CTSK: variants seen among roughly 807,000 people sequenced by gnomAD.
CTSK encodes the protein cathepsin O.
In CTSK, 26 loss-of-function variants were observed where a neutral mutation model predicts 40.5. The observed-to-expected ratio is 0.64, with a 90% CI of 0.47 to 0.89. CTSK has a LOEUF of 0.89. Ranked by LOEUF, CTSK falls within the 40% of genes least tolerant of loss-of-function variation. CTSK has a pLI of 0.00. For missense variants in CTSK, 292 were observed against 400.1 expected (o/e 0.73, Z 2.30); for synonymous variants, 132 against 143.2 (o/e 0.92, Z 0.56).
At chr1:150,798,592 G>A (rs759066654) in intron 7 of CTSK, among the ~76,000 whole-genome samples, 4 of 152,168 alleles carry the variant, frequency 2.6e-5, no homozygotes, top group Non-Finnish European at 4.4e-5. Flanking sequence ...ATTGTCTGGC[G>A]GATATGGTTT....
chr1:150,804,293 TTCTC>T, intron 4 of CTSK, 54 bp from the exon 5 acceptor site: 6 of 1,393,806 alleles, frequency 4.3e-6, no homozygotes, highest in Non-Finnish European at 6.1e-6. Flanking sequence ...TTTCTATATC[TTCTC>T]TCTACCTGCC....
At chr1:150,807,675 G>A (rs1177326145) in intron 1 of CTSK, among the ~76,000 whole-genome samples, 1 of 152,140 alleles carries the variant, frequency 6.6e-6, no homozygotes, top group Non-Finnish European at 1.5e-5. Flanking sequence ...TTCTTGCATT[G>A]GCTTTCTTAA....
intron 5 of CTSK, 158 bp downstream of exon 5, chr1:150,803,863 T>C (rs1571126160): frequency 2.7e-6 from 2 of 729,296 alleles, no homozygotes; most frequent in Non-Finnish European, 2.4e-6. Flanking sequence ...TTCCCCCAGA[T>C]TGTGGAAATC....
chr1:150,799,110 G>C, intron 7 of CTSK, 58 bp downstream of exon 7: 2 of 1,106,182 alleles, frequency 1.8e-6, no homozygotes, highest in Non-Finnish European at 2.8e-6. Flanking sequence ...GGAAGCTGGA[G>C]GTGAGGTTGA....
chr1:150,797,136 G>C (rs376321463), intron 7 of CTSK, among the ~76,000 whole-genome samples: 31 of 152,300 alleles, frequency 2.0e-4, no homozygotes, highest in Middle Eastern at 3.4e-3. Flanking sequence ...TGGCATTTGA[G>C]CTGAGCCAAA....
Position 150,799,151 on chromosome 1 carries a change from A to T in CTSK, c.890+17T>A, listed in dbSNP as rs982020500. The T allele has an allele frequency of 6.7e-7, 1 of 1,491,156 alleles. No homozygotes were observed. The highest frequency in any genetic ancestry group is 1.4e-5 in the African/African-American group (1 of 72,634). The allele number at this position is 1,491,156 out of a possible 1,614,324, so 92.4% of individuals were successfully genotyped here. A position where few individuals can be genotyped will look rare whatever the true frequency, so the allele number is the denominator to read the frequency against. On this transcript the variant is annotated intron_variant, in intron 7 of 7. Coordinates refer to ENST00000271651, the MANE Select transcript of CTSK (RefSeq NM_000396.4). ...AAAAGGGTGACTGAATAACAAAAGT[A>T]GTGTTCCCATCATTACCTGTTTTTA...
In CTSK at chr1:150,799,348, CTGTT is replaced by C. The variant is rs905484495; in HGVS notation, c.785-79_785-76del. 4.2e-5 allele frequency: 54 copies of C among 1,283,370 alleles called. 1 individual carries two copies. The African/African-American group carries it at 7.1e-4, about 17-fold the overall frequency. The allele number at this position is 1,283,370 out of a possible 1,614,324, so 79.5% of individuals were successfully genotyped here. Reference sequence around the variant, plus strand: ...CTGTGGGATCTCCCAGTCTAGGAGACTGTTTGAAGAATTCCATCCGTGTCAGGAG... The same window carrying C: ...CTGTGGGATCTCCCAGTCTAGGAGACTGAAGAATTCCATCCGTGTCAGGAG... On this transcript the variant is annotated intron_variant, in intron 6 of 7. Transcript: ENST00000271651.
chr1:150,798,156 C>T (rs1236040760), intron 7 of CTSK, among the ~76,000 whole-genome samples: 1 of 152,260 alleles, frequency 6.6e-6, no homozygotes, highest in East Asian at 1.9e-4. Flanking sequence ...AAGCAAGGTA[C>T]CCTGGAGTTT....
chr1:150,806,262 A>G (rs1329077168), intron 2 of CTSK, 38 bp from the exon 3 acceptor site: 1 of 1,606,116 alleles, frequency 6.2e-7, no homozygotes, highest in Non-Finnish European at 8.5e-7. Flanking sequence ...TAGACTGTCT[A>G]CAGTTACATA....
At chr1:150,804,319 C>A in intron 4 of CTSK, 80 bp from the exon 5 acceptor site, 1 of 1,163,988 alleles carries the variant, frequency 8.6e-7, no homozygotes, top group South Asian at 1.3e-5. Context: ...GAAGAAATTC[C>A]ATGTGTTCTA....
chr1:150,806,923 AGG>A, intron 1 of CTSK, 117 bp from the exon 2 acceptor site: 1 of 1,245,248 alleles, frequency 8.0e-7, no homozygotes. Context: ...AATGATAGTC[AGG>A]AGGGGCCTGT....
chr1:150,806,850 G>T (rs1217201500), intron 1 of CTSK, 44 bp from the exon 2 acceptor site: 4 of 1,608,708 alleles, frequency 2.5e-6, no homozygotes, highest in African/African-American at 2.7e-5. Context: ...ATTTGGCAGG[G>T]AAACAGAGGA....
At chr1:150,806,951 T>A in intron 1 of CTSK, 145 bp from the exon 2 acceptor site, 1 of 937,996 alleles carries the variant, frequency 1.1e-6, no homozygotes, top group Non-Finnish European at 1.7e-6. Flanking sequence ...GATAGGATGC[T>A]GGTACATCTG....
At chr1:150,807,078 T>TCACACA (rs779217637) in intron 1 of CTSK, among the ~76,000 whole-genome samples, 2,064 of 120,492 alleles carry the variant, frequency 0.017, 14 homozygotes, top group Middle Eastern at 0.05. Context: ...TCTCTCTCTC[T>TCACACA]CTCACACACA....
chr1:150,807,005 T>TTCTTTCTCTCTCTCTCTCTCTC (rs1654109347), intron 1 of CTSK, among the ~76,000 whole-genome samples, 199 bp from the exon 2 acceptor site: 1 of 138,966 alleles, frequency 7.2e-6, no homozygotes, highest in Non-Finnish European at 1.6e-5. Context: ...ATTTCTCTCT[T>TTCTTTCTCTCTCTCTCTCTCTC]TCTCTCTCTC....
chr1:150,804,149 G>A lies in CTSK; in HGVS notation c.490C>T (p.Pro164Ser). The A allele has an allele frequency of 1.2e-6, 2 of 1,614,162 alleles. No individual in the cohort carries two copies. The highest frequency in any genetic ancestry group is 1.7e-6 in the Non-Finnish European group (2 of 1,180,022). Residue 164 changes from proline (P) to serine (S), a missense_variant, in exon 5 of 8, where the codon CCC becomes TCC. Physicochemically the swap from Pro to Ser is moderately conservative, Grantham distance 74. Coordinates refer to ENST00000271651, the MANE Select transcript of CTSK (RefSeq NM_000396.4). ...GACACACAATCCACTAGGTTCTGGG[G>A]ACTCAGATTTAAGAGTTTGCCAGTT... ...KKTGKLLNLSPQNLVDCVSEN... is the reference protein window; with the variant it reads ...KKTGKLLNLSSQNLVDCVSEN...
intron 5 of CTSK, 113 bp downstream of exon 5, chr1:150,803,908 A>G: frequency 1.0e-6 from 1 of 975,938 alleles, no homozygotes; most frequent in East Asian, 2.4e-5. Context: ...TTCCATCAAG[A>G]AAGCAGGATA....
At chr1:150,805,726 A>G in intron 4 of CTSK, 135 bp downstream of exon 4, 1 of 849,154 alleles carries the variant, frequency 1.2e-6, no homozygotes, top group Non-Finnish European at 2.0e-6. Context: ...GTTAAATAAC[A>G]GAATGGGAAT....
At chr1:150,804,789 G>A (rs1008389118) in intron 4 of CTSK, among the ~76,000 whole-genome samples, 1 of 152,116 alleles carries the variant, frequency 6.6e-6, no homozygotes, top group Non-Finnish European at 1.5e-5. Context: ...GCATCTGGTA[G>A]GTTCTGGGGG....
Sources: allele counts gnomAD v4.1 joint callset (sites outside exome capture counted in the v4.1 genomes callset), GRCh38; gene constraint gnomAD v4.1.1; transcripts MANE v1.5; gene names NCBI Gene and HGNC (gene_info 2026-07-23, HGNC 2026-07-21).